The following TRPM1 variants were observed in gnomAD, a reference collection of about 807,000 sequenced individuals.
The protein encoded by TRPM1 is TRPM1-203 APA Isoform, Intron 10.
In TRPM1, 113 loss-of-function variants were observed where a neutral mutation model predicts 149.4. The observed-to-expected ratio is 0.76, with a 90% CI of 0.65 to 0.88. The LOEUF (loss-of-function observed/expected upper bound fraction) is 0.88, where lower values mean the gene tolerates loss of function less well. TRPM1 is among the 40% of genes least tolerant of loss of function. TRPM1 has a pLI of 0.00. For synonymous variants in TRPM1, 741 were observed against 759.5 expected (o/e 0.98, Z 0.40); for missense variants, 1,976 against 2,038.7 (o/e 0.97, Z 0.59).
At chr15:31,142,971 A>C (rs1232630177) in intron 1 of TRPM1, among the ~76,000 whole-genome samples, 2 of 152,228 alleles carry the variant, frequency 1.3e-5, no homozygotes, top group Non-Finnish European at 2.9e-5. Flanking sequence ...TGTACTTTGC[A>C]GAAATAACCA....
intron 13 of TRPM1, among the ~76,000 whole-genome samples, chr15:31,048,378 C>A (rs760041134): frequency 6.6e-6 from 1 of 152,136 alleles, no homozygotes; most frequent in Non-Finnish European, 1.5e-5. Flanking sequence ...CCACACCAGC[C>A]TTTTTCTTTT....
chr15:31,087,500 T>C (rs1158533063), intron 1 of TRPM1, among the ~76,000 whole-genome samples: 2 of 152,094 alleles, frequency 1.3e-5, no homozygotes, highest in Admixed American at 1.3e-4. Flanking sequence ...ATGATCTGCC[T>C]GCCTCAGCCT....
At chr15:31,107,537 T>C (rs1448441676) in intron 1 of TRPM1, among the ~76,000 whole-genome samples, 1 of 152,154 alleles carries the variant, frequency 6.6e-6, no homozygotes, top group African/African-American at 2.4e-5. Flanking sequence ...TTTCTTCTAT[T>C]GTTTTTCTAC....
chr15:31,114,427 T>C (rs977853196), intron 1 of TRPM1, among the ~76,000 whole-genome samples: 5 of 152,224 alleles, frequency 3.3e-5, no homozygotes, highest in African/African-American at 1.2e-4. Context: ...TTGATGGGCA[T>C]TTAGGTTGAT....
intron 22 of TRPM1, among the ~76,000 whole-genome samples, chr15:31,031,528 A>G (rs878905146): frequency 5.9e-5 from 9 of 152,184 alleles, no homozygotes; most frequent in Admixed American, 5.9e-4. Flanking sequence ...ATACCTAAGG[A>G]AATAAAACGA....
chr15:31,095,671 T>G, intron 1 of TRPM1, among the ~76,000 whole-genome samples: 1 of 148,704 alleles, frequency 6.7e-6, no homozygotes, highest in East Asian at 2.0e-4. Context: ...GGCGACAGAG[T>G]GAGACTCCAT....
chr15:31,104,211 A>G (rs2035566761), upstream of TRPM1, among the ~76,000 whole-genome samples: 1 of 152,064 alleles, frequency 6.6e-6, no homozygotes, highest in African/African-American at 2.4e-5. Context: ...CTCAGAGGGA[A>G]TAAGAGGCCG....
At chr15:31,067,422 G>A (rs2034408914) in intron 5 of TRPM1, among the ~76,000 whole-genome samples, 1 of 152,186 alleles carries the variant, frequency 6.6e-6, no homozygotes, top group African/African-American at 2.4e-5. Context: ...CAACTGTGTA[G>A]GGATTTCCTT....
chr15:31,085,615 C>T (rs2140989697), intron 1 of TRPM1, among the ~76,000 whole-genome samples: 1 of 152,304 alleles, frequency 6.6e-6, no homozygotes, highest in Non-Finnish European at 1.5e-5. Flanking sequence ...TGGTGCTGGT[C>T]AGATACCAGG....
At chr15:31,062,985 G>A in intron 8 of TRPM1, 133 bp downstream of exon 8, 1 of 1,267,896 alleles carries the variant, frequency 7.9e-7, no homozygotes, top group Non-Finnish European at 1.1e-6. Context: ...TGAGGAAATG[G>A]GAGAGGAGAT....
At chr15:31,126,967 AAAACAAAC>A (rs71420550) in intron 1 of TRPM1, among the ~76,000 whole-genome samples, 8 of 150,680 alleles carry the variant, frequency 5.3e-5, no homozygotes, top group South Asian at 2.1e-4. Flanking sequence ...ATCCTGTCTC[AAAACAAAC>A]AAACAAACAA....
intron 1 of TRPM1, among the ~76,000 whole-genome samples, chr15:31,114,582 CA>C (rs2035772246): frequency 1.3e-5 from 2 of 152,068 alleles, no homozygotes; most frequent in African/African-American, 4.8e-5. Context: ...TAAGACATTG[CA>C]AAAGAAAAAG....
In TRPM1 at chr15:31,028,373, G is replaced by C; in HGVS notation, c.3252C>G (p.Val1084=). ...TPALMACYLL[V]ANILLVNLLI... is the part of the protein sequence containing the mutation. The stretch of plus-strand genomic sequence containing the variant: ...GCAGGTTCACCAGCAGGATGTTGGC[G>C]ACCAGTAGATAGCACGCCATGAGTG... The change falls in exon 25 of 28, where the codon GTC becomes GTG. Residue 1084 remains valine (V), a synonymous_variant. Coordinates refer to ENST00000256552, the MANE Select transcript of TRPM1 (RefSeq NM_001252024.2). The C allele has an allele frequency of 6.2e-7, 1 of 1,614,128 alleles. No individual in the cohort carries two copies.
intron 27 of TRPM1, among the ~76,000 whole-genome samples, chr15:31,015,406 C>T (rs1014682765): frequency 6.8e-6 from 1 of 146,204 alleles, no homozygotes; most frequent in South Asian, 2.2e-4. Context: ...AGCGAGACTC[C>T]GTCTTAAAAA....
chr15:31,140,503 G>A (rs1032227726), intron 1 of TRPM1, among the ~76,000 whole-genome samples: 58 of 152,324 alleles, frequency 3.8e-4, no homozygotes, highest in African/African-American at 1.3e-3. Context: ...CCGCCCCAGT[G>A]GTAATGAGTG....
At chr15:31,135,859 C>T (rs931390943) in intron 1 of TRPM1, among the ~76,000 whole-genome samples, 12 of 152,124 alleles carry the variant, frequency 7.9e-5, no homozygotes, top group Non-Finnish European at 1.5e-4. Context: ...AGGAAGCAGA[C>T]GCTGGCTCCA....
intron 1 of TRPM1, among the ~76,000 whole-genome samples, chr15:31,099,985 C>T (rs2035477222): frequency 6.6e-6 from 1 of 152,088 alleles, no homozygotes; most frequent in African/African-American, 2.4e-5. Context: ...GAAAATGTGT[C>T]TCATCTTCCT....
intron 2 of TRPM1, among the ~76,000 whole-genome samples, chr15:31,079,351 C>A (rs560295430): frequency 6.6e-6 from 1 of 152,310 alleles, no homozygotes; most frequent in South Asian, 2.1e-4. Context: ...TTTGACTGAG[C>A]TATGGGTGGG....
In TRPM1 at chr15:31,042,056, A is replaced by G. The variant is rs773621691; in HGVS notation, c.1982T>C (p.Met661Thr). Residue 661 changes from methionine to threonine, a missense_variant, in exon 17 of 28, where the codon ATG becomes ACG. Met to Thr is a moderately conservative substitution (Grantham distance 81). Around this residue, in one of 3 missense-constraint regions of TRPM1, gnomAD observed 1,332 missense variants for 1,347.1 expected, o/e 0.99. Coordinates refer to ENST00000256552, the MANE Select transcript of TRPM1 (RefSeq NM_001252024.2). ...CTTGCAGGCCACCAGGGCCTTGGCC[A>G]TGCTCTCTTCCCCTCGCTGCCAGAG... Reference protein sequence around the residue: ...VFLWQRGEESMAKALVACKLY... With the variant: ...VFLWQRGEESTAKALVACKLY... The G allele has an allele frequency of 1.2e-6, 2 of 1,613,952 alleles. No homozygotes were observed. Among genetic ancestry groups the G allele is most frequent in the African/African-American group, 2.7e-5 (2 of 74,918 alleles).
Sources: gnomAD v4.1 joint callset for allele counts (sites outside exome capture counted in the v4.1 genomes callset) on GRCh38, gnomAD v4.1.1 for gene constraint, gnomAD v4.1.1 regional missense constraint, MANE v1.5 for transcripts, NCBI Gene and HGNC (gene_info 2026-07-23, HGNC 2026-07-21) for gene names.